The following ZNF365 variants were observed in gnomAD, a reference collection of about 807,000 sequenced individuals.
ZNF365 encodes protein ZNF365.
Under a neutral mutation model 35.0 loss-of-function variants are expected in ZNF365, and 22 were observed. The ratio of observed to expected loss-of-function variants is 0.63; its 90% CI spans 0.45 to 0.90. The LOEUF (loss-of-function observed/expected upper bound fraction) is 0.90, where lower values mean the gene tolerates loss of function less well. ZNF365 is among the 40% of genes least tolerant of loss of function. The probability of loss-of-function intolerance (pLI) is 0.00; values close to 1 mark genes in which losing one functional copy is unlikely to be tolerated. For synonymous variants in ZNF365, 188 were observed against 196.2 expected (o/e 0.96, Z 0.35); for missense variants, 448 against 500.3 (o/e 0.90, Z 1.00).
At chr10:62,461,216 T>C (rs1013547875) in intron 4 of ZNF365, among the ~76,000 whole-genome samples, 1 of 152,208 alleles carries the variant, frequency 6.6e-6, no homozygotes, top group Admixed American at 6.5e-5. Context: ...GAGATGGGAT[T>C]CTTTAAAGGG....
intron 2 of ZNF365, among the ~76,000 whole-genome samples, chr10:62,382,375 C>T (rs1235337804): frequency 1.3e-5 from 2 of 152,078 alleles, no homozygotes. Context: ...TAAATGGGGT[C>T]CTCTCTTTTC....
intron 4 of ZNF365, among the ~76,000 whole-genome samples, chr10:62,476,371 G>C (rs1841131388): frequency 6.6e-6 from 1 of 152,092 alleles, no homozygotes; most frequent in Non-Finnish European, 1.5e-5. Flanking sequence ...TTTCCTCCCA[G>C]GTATTAAAAA....
chr10:62,450,958 G>A (rs1015086174), intron 3 of ZNF365, among the ~76,000 whole-genome samples: 5 of 152,122 alleles, frequency 3.3e-5, no homozygotes, highest in Non-Finnish European at 5.9e-5. Flanking sequence ...GAAACCAACC[G>A]TTTTTGAACA....
At chr10:62,381,803 G>T (rs1014359228) in intron 2 of ZNF365, among the ~76,000 whole-genome samples, 1 of 152,156 alleles carries the variant, frequency 6.6e-6, no homozygotes, top group Non-Finnish European at 1.5e-5. Context: ...AGGACTCTTT[G>T]TGATTCCATC....
At chr10:62,385,102 T>G (rs944709003) in intron 2 of ZNF365, among the ~76,000 whole-genome samples, 1 of 152,208 alleles carries the variant, frequency 6.6e-6, no homozygotes, top group Non-Finnish European at 1.5e-5. Context: ...TTCTCCAGTC[T>G]TTCTCTTGTG....
At chr10:62,429,287 G>A (rs1319171597) in intron 3 of ZNF365, among the ~76,000 whole-genome samples, 3 of 152,178 alleles carry the variant, frequency 2.0e-5, no homozygotes, top group African/African-American at 7.2e-5. Flanking sequence ...CATATTGTTG[G>A]TGTTGACTAA....
At chr10:62,423,716 A>G (rs1038106229) in intron 3 of ZNF365, among the ~76,000 whole-genome samples, 18 of 152,182 alleles carry the variant, frequency 1.2e-4, no homozygotes, top group Admixed American at 4.6e-4. Context: ...TTTCCATTTT[A>G]TAATAGGGAT....
At chr10:62,463,901 C>T (rs902109883) in intron 4 of ZNF365, among the ~76,000 whole-genome samples, 4 of 152,194 alleles carry the variant, frequency 2.6e-5, no homozygotes, top group African/African-American at 9.6e-5. Context: ...CAGGTCACCC[C>T]TCCAACGGAT....
In ZNF365 at chr10:62,376,401, G is replaced by C. The variant is rs769179411; in HGVS notation, c.208G>C (p.Asp70His). The stretch of plus-strand genomic sequence containing the variant: ...ATGCAGTCTCTTTCCATCCCTCAAA[G>C]ACACAGACCTAGTCACTTCCTCAGA... ...TKCSLFPSLK[D>H]TDLVTSSELL... The change falls in exon 2 of 5, where the codon GAC (aspartate) becomes CAC (histidine). Residue 70 changes from aspartate to histidine, a missense_variant. Asp to His is a moderately conservative substitution (Grantham distance 81). This residue lies in a region of ZNF365 where 76 missense variants were observed against 96.7 expected (regional missense o/e 0.79). Coordinates refer to ENST00000395254, the MANE Select transcript of ZNF365 (RefSeq NM_014951.3). The C allele has an allele frequency of 3.1e-6, 5 of 1,614,070 alleles. No homozygotes were observed. Among genetic ancestry groups the C allele is most frequent in the South Asian group, 1.1e-5 (1 of 91,092 alleles).
At chr10:62,419,671 C>T (rs1425157998) in intron 3 of ZNF365, among the ~76,000 whole-genome samples, 1 of 152,082 alleles carries the variant, frequency 6.6e-6, no homozygotes, top group Non-Finnish European at 1.5e-5. Context: ...GCAGCAACAG[C>T]AAACAGTTTT....
chr10:62,382,098 T>A (rs915483389), intron 2 of ZNF365, among the ~76,000 whole-genome samples: 2 of 152,214 alleles, frequency 1.3e-5, no homozygotes, highest in African/African-American at 4.8e-5. Context: ...CTGAGCTAGG[T>A]AATGCCCATT....
intron 4 of ZNF365, chr10:62,459,835 T>C: frequency 6.3e-7 from 1 of 1,578,090 alleles, no homozygotes; most frequent in Non-Finnish European, 8.6e-7. Flanking sequence ...TGGGCCTGGT[T>C]ACAATAACCA....
intron 2 of ZNF365, among the ~76,000 whole-genome samples, chr10:62,379,452 C>CT (rs374218470): frequency 1.4e-4 from 21 of 146,524 alleles, no homozygotes; most frequent in Middle Eastern, 6.9e-3. Context: ...TAAACAAAGT[C>CT]TTTTTTTTTT....
downstream of ZNF365, among the ~76,000 whole-genome samples, chr10:62,406,946 A>G (rs1050204658): frequency 2.0e-5 from 3 of 152,212 alleles, no homozygotes; most frequent in Non-Finnish European, 2.9e-5. Flanking sequence ...GTGAGACAGC[A>G]TCATTCCTGG....
At chr10:62,398,717 T>G in intron 3 of ZNF365, 23 bp from the exon 4 acceptor site, 1 of 1,608,276 alleles carries the variant, frequency 6.2e-7, no homozygotes, top group Non-Finnish European at 8.5e-7. Context: ...AGTTAACATT[T>G]TTTCTTATTT....
At chr10:62,430,105 T>G (rs1433417042) in intron 3 of ZNF365, among the ~76,000 whole-genome samples, 2 of 152,146 alleles carry the variant, frequency 1.3e-5, no homozygotes, top group African/African-American at 4.8e-5. Context: ...ACTATAATAA[T>G]AAGAATTTGA....
At chr10:62,378,600 A>G (rs1172712110) in intron 2 of ZNF365, among the ~76,000 whole-genome samples, 1 of 152,228 alleles carries the variant, frequency 6.6e-6, no homozygotes. Flanking sequence ...TTATATGTGT[A>G]AAAGTAGCCT....
intron 3 of ZNF365, among the ~76,000 whole-genome samples, chr10:62,428,713 G>A (rs932005814): frequency 3.9e-5 from 6 of 152,156 alleles, no homozygotes; most frequent in African/African-American, 1.4e-4. Flanking sequence ...TAGGGTTGGT[G>A]GGGTGAAACC....
intron 3 of ZNF365, among the ~76,000 whole-genome samples, chr10:62,437,398 C>T (rs937560237): frequency 2.6e-5 from 4 of 152,140 alleles, no homozygotes; most frequent in Non-Finnish European, 4.4e-5. Flanking sequence ...GGAAATTCTA[C>T]GCACGTCATA....
Sources: allele counts gnomAD v4.1 joint callset (sites outside exome capture counted in the v4.1 genomes callset), GRCh38; gene constraint gnomAD v4.1.1; regional missense constraint gnomAD v4.1.1; transcripts MANE v1.5; gene names NCBI Gene and HGNC (gene_info 2026-07-23, HGNC 2026-07-21).